Variants in INSYN2B observed in about 807,000 individuals in gnomAD.
The protein encoded by INSYN2B is inhibitory synaptic factor family member 2B.
Under a neutral mutation model 41.2 loss-of-function variants are expected in INSYN2B, and 16 were observed. That is an observed-to-expected ratio of 0.39 (90% CI 0.26 to 0.59). The LOEUF (loss-of-function observed/expected upper bound fraction) is 0.59, where lower values mean the gene tolerates loss of function less well. INSYN2B is among the 20% of genes least tolerant of loss of function. The pLI, the probability that INSYN2B is intolerant of heterozygous loss-of-function variation, is 0.57. For missense variants in INSYN2B, 608 were observed against 646.4 expected (o/e 0.94, Z 0.64); for synonymous variants, 245 against 244.4 (o/e 1.00, Z -0.02).
chr5:169,944,527 G>T (rs568338678), intron 1 of INSYN2B, among the ~76,000 whole-genome samples: 2 of 152,340 alleles, frequency 1.3e-5, no homozygotes, highest in South Asian at 4.1e-4. Flanking sequence ...TACCAGGGAG[G>T]CTTTGAAACT....
intron 1 of INSYN2B, among the ~76,000 whole-genome samples, chr5:169,904,022 G>A (rs543857425): frequency 2.7e-5 from 4 of 150,164 alleles, no homozygotes; most frequent in South Asian, 2.1e-4. Context: ...GAGCCTGGGA[G>A]GCAGAGGTTG....
intron 1 of INSYN2B, among the ~76,000 whole-genome samples, chr5:169,945,706 G>A (rs765992313): frequency 1.5e-4 from 23 of 152,208 alleles, no homozygotes; most frequent in East Asian, 7.7e-4. Flanking sequence ...TGCTCCTCCC[G>A]CTTAAAAATC....
At chr5:169,889,141 G>A (rs1159418444) in intron 1 of INSYN2B, among the ~76,000 whole-genome samples, 1 of 152,160 alleles carries the variant, frequency 6.6e-6, no homozygotes, top group Non-Finnish European at 1.5e-5. Context: ...ATATAATCCT[G>A]TATTATCTAA....
At chr5:169,915,362 G>A (rs2113633349) in intron 1 of INSYN2B, among the ~76,000 whole-genome samples, 1 of 152,170 alleles carries the variant, frequency 6.6e-6, no homozygotes, top group East Asian at 1.9e-4. Flanking sequence ...AATATTAATT[G>A]CAGGCTTATT....
At chr5:169,957,563 C>T (rs992176241) in intron 1 of INSYN2B, among the ~76,000 whole-genome samples, 3 of 152,180 alleles carry the variant, frequency 2.0e-5, no homozygotes, top group Admixed American at 2.0e-4. Flanking sequence ...GGGACTGGGA[C>T]TCCTTGGTCT....
chr5:169,928,411 G>A (rs766929071), intron 1 of INSYN2B, among the ~76,000 whole-genome samples: 15 of 152,186 alleles, frequency 9.9e-5, no homozygotes, highest in Admixed American at 2.6e-4. Flanking sequence ...AGAATGCCCC[G>A]CTGTTTTCAC....
At chr5:169,930,048 T>C (rs1180805623) in intron 1 of INSYN2B, among the ~76,000 whole-genome samples, 1 of 152,230 alleles carries the variant, frequency 6.6e-6, no homozygotes, top group Non-Finnish European at 1.5e-5. Flanking sequence ...TGGAGTGCAG[T>C]GGCACGATCT....
chr5:169,938,115 A>G (rs1300873928), intron 1 of INSYN2B, among the ~76,000 whole-genome samples: 1 of 152,222 alleles, frequency 6.6e-6, no homozygotes, highest in Non-Finnish European at 1.5e-5. Flanking sequence ...TGGAGGTTAT[A>G]CTTGCAAGAC....
intron 1 of INSYN2B, among the ~76,000 whole-genome samples, chr5:169,978,455 A>ATGTT (rs1188338675): frequency 6.8e-6 from 1 of 147,796 alleles, no homozygotes; most frequent in Admixed American, 6.9e-5. Context: ...TTTAAGTTGA[A>ATGTT]TGTTGTACAC....
chr5:169,972,498 C>T (rs1777541550), intron 1 of INSYN2B, among the ~76,000 whole-genome samples: 1 of 87,680 alleles, frequency 1.1e-5, no homozygotes, highest in South Asian at 3.6e-4. Flanking sequence ...CAAGGCAATG[C>T]CCTTTGAGGG....
chr5:169,943,718 G>T lies in INSYN2B; in HGVS notation c.-919+36559C>A, dbSNP rs1165184524. ...TCAGTGGAATCAGCATCACCTGGGA[G>T]CTTGTTAGAAATGCACATTCTCAGG... On this transcript the variant is annotated intron_variant, in intron 1 of 3. Coordinates refer to ENST00000377365, the MANE Select transcript of INSYN2B (RefSeq NM_001129891.3). 2.0e-5 allele frequency among the ~76,000 whole-genome samples: 3 copies of T among 152,152 alleles called. 1 individual carries two copies. Among genetic ancestry groups the T allele is most frequent in the Admixed American group, 2.0e-4 (3 of 15,274 alleles).
intron 1 of INSYN2B, among the ~76,000 whole-genome samples, chr5:169,922,087 C>T (rs760970799): frequency 6.6e-6 from 1 of 152,144 alleles, no homozygotes; most frequent in Non-Finnish European, 1.5e-5. Flanking sequence ...TTCTTTTTAG[C>T]CTTAATGCCA....
At chr5:169,974,753 C>T (rs1296636904) in intron 1 of INSYN2B, among the ~76,000 whole-genome samples, 1 of 152,150 alleles carries the variant, frequency 6.6e-6, no homozygotes, top group Non-Finnish European at 1.5e-5. Flanking sequence ...GTGTGAGGCA[C>T]AGAAGCCCAT....
At position 169,883,488 on chromosome 5, in the gene INSYN2B, G is replaced by A. The variant is rs1581353604; in HGVS notation, c.411C>T (p.Asn137=). ...AAGACACAATGTCCTGTTCAGAGAG[G>A]TTACCGTTGACCTGGATGGCACTTT... ...ASQSAIQVNG[N]LSEQDIVSSD... Residue 137 remains asparagine (N), a synonymous_variant, in exon 2 of 4, where the codon AAC becomes AAT. Coordinates refer to ENST00000377365, the MANE Select transcript of INSYN2B (RefSeq NM_001129891.3). 1.3e-6 allele frequency: 2 copies of A among 1,551,608 alleles called. No individual in the cohort carries two copies. Among genetic ancestry groups the A allele is most frequent in the East Asian group, 2.4e-5 (1 of 40,910 alleles).
intron 1 of INSYN2B, among the ~76,000 whole-genome samples, chr5:169,908,324 T>C (rs1774404198): frequency 6.6e-6 from 1 of 152,176 alleles, no homozygotes. Context: ...CACATGCGAT[T>C]CTTGTGTTAT....
chr5:169,905,682 T>C (rs1045780045), intron 1 of INSYN2B, among the ~76,000 whole-genome samples: 17 of 152,142 alleles, frequency 1.1e-4, no homozygotes, highest in Non-Finnish European at 5.9e-5. Context: ...CCAGGCTGTG[T>C]GCTGTCATAC....
At chr5:169,909,075 T>C (rs1017797223) in intron 1 of INSYN2B, among the ~76,000 whole-genome samples, 1 of 152,240 alleles carries the variant, frequency 6.6e-6, no homozygotes, top group Non-Finnish European at 1.5e-5. Flanking sequence ...CTGCTTTCAG[T>C]AGCTGCTGCT....
intron 2 of INSYN2B, 93 bp from the exon 3 acceptor site, chr5:169,881,535 C>CCGTGAATGCTGTGCTAT: frequency 5.3e-6 from 5 of 948,990 alleles, no homozygotes; most frequent in Non-Finnish European, 8.3e-6. Context: ...CCCTATAGCA[C>CCGTGAATGCTGTGCTAT]AGCATTCACG....
At chr5:169,872,673 C>G (rs570869252) in intron 3 of INSYN2B, among the ~76,000 whole-genome samples, 1 of 152,230 alleles carries the variant, frequency 6.6e-6, no homozygotes, top group East Asian at 1.9e-4. Context: ...GCATGTGAAA[C>G]CCTCAGAAAG....
Sources: gnomAD v4.1 joint callset for allele counts (sites outside exome capture counted in the v4.1 genomes callset) on GRCh38, gnomAD v4.1.1 for gene constraint, MANE v1.5 for transcripts, NCBI Gene and HGNC (gene_info 2026-07-23, HGNC 2026-07-21) for gene names.